The following EFHC2 variants were observed in gnomAD, a reference collection of about 807,000 sequenced individuals.
The protein encoded by EFHC2 is EF-hand domain containing 2.
In EFHC2, 18 loss-of-function variants were observed where a neutral mutation model predicts 52.7. That is an observed-to-expected ratio of 0.34 (90% CI 0.24 to 0.51). The LOEUF is 0.51. Ranked by LOEUF, EFHC2 falls within the 20% of genes least tolerant of loss-of-function variation. EFHC2 has a pLI of 0.97. For missense variants in EFHC2, 513 were observed against 562.5 expected (o/e 0.91, Z 0.89); for synonymous variants, 203 against 204.1 (o/e 0.99, Z 0.04).
Position 44,229,670 on chromosome X carries a change from A to C in EFHC2, c.1730T>G (p.Met577Arg). ...TTACCTGAATGTATTATAATCCACC[A>C]TATTTGTGTGCTTAGAGTCAGCAGC... is the stretch of plus-strand genomic sequence containing the variant. ...FKAADSKHTNMVDYNTFRDIL... is the reference protein window; with the variant it reads ...FKAADSKHTNRVDYNTFRDIL... Residue 577 changes from methionine to arginine, a missense_variant, in exon 11 of 15, where the codon ATG (methionine) becomes AGG (arginine). By Grantham distance (91) the Met-to-Arg change is moderately conservative. Coordinates refer to ENST00000420999, the MANE Select transcript of EFHC2 (RefSeq NM_025184.4). 8.3e-7 allele frequency: 1 copy of C among 1,211,183 alleles called. No homozygotes were observed. The highest frequency in any genetic ancestry group is 1.1e-6 in the Non-Finnish European group (1 of 895,175).
chrX:44,155,819 A>G (rs1296091324), intron 14 of EFHC2, among the ~76,000 whole-genome samples: 7 of 112,908 alleles, frequency 6.2e-5, no homozygotes, highest in Non-Finnish European at 1.3e-4. Context: ...TTAAATTTTA[A>G]GCAAATCAAA....
intron 11 of EFHC2, among the ~76,000 whole-genome samples, chrX:44,219,723 T>C (rs41537444): frequency 0.064 from 7,132 of 111,884 alleles, 244 homozygotes; most frequent in Admixed American, 0.13. Flanking sequence ...CTCTGAAACT[T>C]TGTAATTGCA....
intron 7 of EFHC2, among the ~76,000 whole-genome samples, chrX:44,244,402 G>A (rs774770862): frequency 1.8e-5 from 2 of 111,890 alleles, no homozygotes; most frequent in Non-Finnish European, 3.8e-5. Flanking sequence ...CATCATCCCA[G>A]CATCCTGCGT....
chrX:44,210,018 A>G (rs1219648021), intron 11 of EFHC2, among the ~76,000 whole-genome samples: 1 of 109,948 alleles, frequency 9.1e-6, no homozygotes, highest in African/African-American at 3.3e-5. Context: ...TAATTATTAT[A>G]TATTATAATG....
chrX:44,322,205 T>C (rs996767469), intron 1 of EFHC2, among the ~76,000 whole-genome samples: 2 of 111,878 alleles, frequency 1.8e-5, no homozygotes, highest in African/African-American at 3.3e-5. Flanking sequence ...GATTCATTCA[T>C]TCTATACCCA....
At chrX:44,241,820 C>T (rs2037360928) in intron 8 of EFHC2, among the ~76,000 whole-genome samples, 1 of 112,147 alleles carries the variant, frequency 8.9e-6, no homozygotes, top group African/African-American at 3.2e-5. Flanking sequence ...AGCTTGTTAA[C>T]TCCTACTCTA....
intron 2 of EFHC2, 69 bp from the exon 3 acceptor site, chrX:44,272,905 G>A: frequency 1.1e-6 from 1 of 939,663 alleles, no homozygotes; most frequent in Non-Finnish European, 1.5e-6. Flanking sequence ...TAACAAAGCA[G>A]CTGCCTGTAT....
At chrX:44,189,624 A>G (rs1188139516) in intron 11 of EFHC2, among the ~76,000 whole-genome samples, 2 of 111,452 alleles carry the variant, frequency 1.8e-5, no homozygotes, top group Non-Finnish European at 3.8e-5. Flanking sequence ...AGCAATGCAG[A>G]GGTAGGCACG....
chrX:44,191,663 C>T (rs530171757), intron 11 of EFHC2, among the ~76,000 whole-genome samples: 1 of 112,004 alleles, frequency 8.9e-6, no homozygotes, highest in African/African-American at 3.2e-5. Flanking sequence ...AGGAACTTAA[C>T]TTTCGTTTAT....
At position 44,235,351 on chromosome X, in the gene EFHC2, G is replaced by A. The variant is rs372430413; in HGVS notation, c.1377C>T (p.Leu459=). 5.5e-5 allele frequency: 65 copies of A among 1,186,662 alleles called. No individual in the cohort carries two copies. The highest frequency in any genetic ancestry group is 6.8e-5 in the Non-Finnish European group (60 of 882,830). Reference sequence around the variant, plus strand: ...CAAACACTGAAATGGTGTCATCACCGAGATAATATGAAATAACAAACATCC... The same window carrying A: ...CAAACACTGAAATGGTGTCATCACCAAGATAATATGAAATAACAAACATCC... ...LDRMFVISYY[L]GDDTISVFEP... The change falls in exon 9 of 15, where the codon CTC becomes CTT. Residue 459 remains leucine, a synonymous_variant. Coordinates refer to ENST00000420999, the MANE Select transcript of EFHC2 (RefSeq NM_025184.4).
At chrX:44,160,144 T>C (rs2036640561) in intron 14 of EFHC2, among the ~76,000 whole-genome samples, 1 of 111,647 alleles carries the variant, frequency 9.0e-6, no homozygotes, top group South Asian at 3.8e-4. Flanking sequence ...GGTCCACAGC[T>C]CGATACCTGT....
At chrX:44,202,773 T>C (rs1322759391) in intron 11 of EFHC2, among the ~76,000 whole-genome samples, 1 of 111,040 alleles carries the variant, frequency 9.0e-6, no homozygotes, top group Non-Finnish European at 1.9e-5. Flanking sequence ...ACTATAATTT[T>C]GGCAAGCACA....
intron 11 of EFHC2, among the ~76,000 whole-genome samples, chrX:44,188,642 C>T (rs1033288304): frequency 9.0e-6 from 1 of 111,073 alleles, no homozygotes; most frequent in Non-Finnish European, 1.9e-5. Flanking sequence ...GAGAAAGTAC[C>T]CCTCATCCAG....
chrX:44,174,461 T>C (rs184015592), intron 13 of EFHC2, among the ~76,000 whole-genome samples: 2 of 110,480 alleles, frequency 1.8e-5, no homozygotes, highest in East Asian at 5.7e-4. Context: ...AAGAGACACA[T>C]AAATAGCACT....
Position 44,229,670 on chromosome X carries a change from A to G in EFHC2, c.1730T>C (p.Met577Thr). ...TTACCTGAATGTATTATAATCCACC[A>G]TATTTGTGTGCTTAGAGTCAGCAGC... is the stretch of plus-strand genomic sequence containing the variant. ...FKAADSKHTN[M>T]VDYNTFRDIL... The change falls in exon 11 of 15, where the codon ATG (methionine) becomes ACG (threonine). Residue 577 changes from methionine to threonine, a missense_variant. By Grantham distance (81) the Met-to-Thr change is moderately conservative. Coordinates refer to ENST00000420999, the MANE Select transcript of EFHC2 (RefSeq NM_025184.4). The G allele has an allele frequency of 8.3e-7, 1 of 1,211,183 alleles. No individual in the cohort carries two copies. Among genetic ancestry groups the G allele is most frequent in the South Asian group, 1.8e-5 (1 of 56,959 alleles).
chrX:44,189,410 C>T (rs184949381), intron 11 of EFHC2, among the ~76,000 whole-genome samples: 153 of 112,250 alleles, frequency 1.4e-3, no homozygotes, highest in Non-Finnish European at 2.3e-3. Flanking sequence ...CCACAATGTT[C>T]AGGATTCATA....
intron 1 of EFHC2, among the ~76,000 whole-genome samples, chrX:44,337,977 A>C (rs1468953232): frequency 3.6e-5 from 4 of 111,717 alleles, no homozygotes; most frequent in Non-Finnish European, 7.5e-5. Context: ...CATGGGCTAT[A>C]GATATAGTTT....
chrX:44,286,975 A>G (rs1490999090), intron 2 of EFHC2, among the ~76,000 whole-genome samples: 1 of 99,419 alleles, frequency 1.0e-5, no homozygotes, highest in Non-Finnish European at 2.0e-5. Context: ...GCAGTGAGCT[A>G]TAATCACACC....
In EFHC2 at chrX:44,343,656, C is replaced by A. The variant is rs756892351; in HGVS notation, c.-68G>T. The A allele has an allele frequency of 1.1e-4, 120 of 1,078,832 alleles. No individual in the cohort carries two copies. Among genetic ancestry groups the A allele is most frequent in the Non-Finnish European group, 1.4e-4 (112 of 810,182 alleles). 88.9% of individuals were successfully genotyped at this position (1,078,832 alleles called of 1,213,427 possible). ...CCGGCAGGCAGCGGCGCCTCCCGGC[C>A]GTGTTGTTTGGCCCCCACGTTGCCT... On this transcript the variant is annotated 5_prime_UTR_variant, in exon 1 of 15. Coordinates refer to ENST00000420999, the MANE Select transcript of EFHC2 (RefSeq NM_025184.4).
Sources: gnomAD v4.1 joint callset for allele counts (sites outside exome capture counted in the v4.1 genomes callset) on GRCh38, gnomAD v4.1.1 for gene constraint, MANE v1.5 for transcripts, NCBI Gene and HGNC (gene_info 2026-07-23, HGNC 2026-07-21) for gene names.